ZNF10: variants seen among roughly 807,000 people sequenced by gnomAD.
ZNF10 encodes the protein zinc finger protein 10 (KOX 1).
Under a neutral mutation model 12.2 loss-of-function variants are expected in ZNF10, and 8 were observed. The observed-to-expected ratio is 0.66, with a 90% CI of 0.39 to 1.18. The LOEUF (loss-of-function observed/expected upper bound fraction) is 1.18. Ranked by LOEUF, ZNF10 falls within the 50% of genes most tolerant of loss-of-function variation. ZNF10 has a pLI of 0.01. For missense variants in ZNF10, 603 were observed against 678.9 expected (o/e 0.89, Z 1.24); for synonymous variants, 229 against 228.2 (o/e 1.00, Z -0.03).
chr12:133,157,120 A>G lies in ZNF10; in HGVS notation c.*152A>G. On this transcript the variant is annotated 3_prime_UTR_variant, in exon 5 of 5. Transcript: ENST00000248211. The stretch of plus-strand genomic sequence containing the variant: ...AGAGAATTGGTCCTGGAAGGGAAAG[A>G]AACCACAGATTTTATTTCAGTACAC... 1 of 635,642 alleles carries G rather than the reference A, an allele frequency of 1.6e-6. No homozygotes were observed. Among genetic ancestry groups the G allele is most frequent in the Non-Finnish European group, 2.3e-6 (1 of 441,084 alleles). 39.4% of individuals were successfully genotyped at this position (635,642 alleles called of 1,614,324 possible). A position where few individuals can be genotyped will look rare whatever the true frequency, so the allele number is the denominator to read the frequency against.
chr12:133,155,826 A>G lies in ZNF10; in HGVS notation c.580A>G (p.Ser194Gly), dbSNP rs754831037. 6.2e-7 allele frequency: 1 copy of G among 1,613,802 alleles called. No individual in the cohort carries two copies. Among genetic ancestry groups the G allele is most frequent in the East Asian group, 2.2e-5 (1 of 44,874 alleles). Residue 194 changes from serine to glycine, a missense_variant, in exon 5 of 5, where the codon AGT becomes GGT. Coordinates refer to ENST00000248211, the MANE Select transcript of ZNF10 (RefSeq NM_015394.5). ...YFHKRDSHTK[S>G]LKHDLVLNGH... is the part of the protein sequence containing the mutation. ...CCATAAACGTGACTCACATACTAAA[A>G]GTTTAAAACATGATTTAGTTCTTAA...
At chr12:133,137,783 C>G (rs1955920956) in intron 1 of ZNF10, among the ~76,000 whole-genome samples, 1 of 152,158 alleles carries the variant, frequency 6.6e-6, no homozygotes, top group East Asian at 1.9e-4. Flanking sequence ...ATTAAAATGG[C>G]AGAAGTTCCA....
intron 4 of ZNF10, among the ~76,000 whole-genome samples, chr12:133,154,100 C>T (rs1956024594): frequency 6.7e-6 from 1 of 150,256 alleles, no homozygotes; most frequent in Non-Finnish European, 1.5e-5. Context: ...ATTAAAACTT[C>T]AACATACCTT....
At chr12:133,143,306 A>G (rs1955956969) in intron 1 of ZNF10, among the ~76,000 whole-genome samples, 1 of 152,122 alleles carries the variant, frequency 6.6e-6, no homozygotes, top group Non-Finnish European at 1.5e-5. Flanking sequence ...ATGCCACTGA[A>G]TTGGATACTT....
intron 4 of ZNF10, among the ~76,000 whole-genome samples, chr12:133,152,957 G>A (rs1005236871): frequency 6.6e-6 from 1 of 151,934 alleles, no homozygotes; most frequent in African/African-American, 2.4e-5. Flanking sequence ...TTACTTTTTA[G>A]TATTTGCCTT....
intron 2 of ZNF10, among the ~76,000 whole-genome samples, chr12:133,149,597 T>A (rs992568530): frequency 2.6e-5 from 4 of 151,782 alleles, no homozygotes; most frequent in African/African-American, 9.7e-5. Context: ...ACTCAAGTGA[T>A]CCACCTACCT....
At chr12:133,135,313 C>G (rs764959680) in intron 1 of ZNF10, among the ~76,000 whole-genome samples, 13 of 152,266 alleles carry the variant, frequency 8.5e-5, no homozygotes, top group African/African-American at 3.1e-4. Flanking sequence ...GGGCTCCAAA[C>G]TCTGCACTGT....
intron 3 of ZNF10, 117 bp downstream of exon 3, chr12:133,151,271 G>GCCTCAAAGAAATT: frequency 9.3e-7 from 1 of 1,080,698 alleles, no homozygotes; most frequent in Non-Finnish European, 1.3e-6. Flanking sequence ...TAATTTCTTT[G>GCCTCAAAGAAATT]AGGCATAGAA....
Position 133,157,324 on chromosome 12 carries a change from T to C in ZNF10, c.*356T>C, listed in dbSNP as rs1956048578. The C allele has an allele frequency of 5.8e-6, 1 of 172,402 alleles. No homozygotes were observed. Among genetic ancestry groups the C allele is most frequent in the Admixed American group, 6.3e-5 (1 of 15,824 alleles). The allele number at this position is 172,402 out of a possible 1,614,324, so 10.7% of individuals were successfully genotyped here. A position where few individuals can be genotyped will look rare whatever the true frequency, so the allele number is the denominator to read the frequency against. ...ATGCTACTATAGGGAGAGTTGTTGC[T>C]GAGAATTAAGAAATGATACAGTTAA... On this transcript the variant is annotated 3_prime_UTR_variant, in exon 5 of 5. Coordinates refer to ENST00000248211, the MANE Select transcript of ZNF10 (RefSeq NM_015394.5).
At chr12:133,134,232 G>C (rs1021675403) in intron 1 of ZNF10, among the ~76,000 whole-genome samples, 4 of 151,750 alleles carry the variant, frequency 2.6e-5, no homozygotes, top group African/African-American at 7.3e-5. Context: ...AGAATCACTT[G>C]AACCCAAGAG....
intron 3 of ZNF10, 100 bp downstream of exon 3, chr12:133,151,254 A>C: frequency 8.2e-7 from 1 of 1,217,126 alleles, no homozygotes; most frequent in Non-Finnish European, 1.1e-6. Context: ...CTTGGCGTTC[A>C]GAGACCTAAT....
chr12:133,154,164 G>A (rs2135464874), intron 4 of ZNF10, among the ~76,000 whole-genome samples: 1 of 152,212 alleles, frequency 6.6e-6, no homozygotes, highest in South Asian at 2.1e-4. Flanking sequence ...AGAGTGGAAT[G>A]TCACCCCACT....
At chr12:133,148,965 T>C (rs1257860185) in intron 2 of ZNF10, among the ~76,000 whole-genome samples, 1 of 152,094 alleles carries the variant, frequency 6.6e-6, no homozygotes, top group African/African-American at 2.4e-5. Flanking sequence ...TTGGTCAGGC[T>C]GGTCTGGAAC....
intron 1 of ZNF10, among the ~76,000 whole-genome samples, chr12:133,138,912 CT>C (rs1335809503): frequency 6.6e-6 from 1 of 152,204 alleles, no homozygotes; most frequent in Non-Finnish European, 1.5e-5. Flanking sequence ...ATTCTGACTC[CT>C]TAAAAGGAAC....
intron 3 of ZNF10, 127 bp downstream of exon 3, chr12:133,151,281 A>G (rs892199075): frequency 4.0e-6 from 4 of 995,010 alleles, no homozygotes; most frequent in Non-Finnish European, 5.5e-6. Flanking sequence ...GAGGCATAGA[A>G]CAGGGTTTTT....
chr12:133,151,204 G>A, intron 3 of ZNF10, 50 bp downstream of exon 3: 1 of 1,565,400 alleles, frequency 6.4e-7, no homozygotes, highest in Non-Finnish European at 8.7e-7. Context: ...TGATCAAAAG[G>A]TACAGAGACC....
In ZNF10 at chr12:133,156,374, C is replaced by T. The variant is rs1282473876; in HGVS notation, c.1128C>T (p.Pro376=). The change falls in exon 5 of 5, where the codon CCC becomes CCT. Residue 376 remains proline, a synonymous_variant. Transcript: ENST00000248211. ...RHQRTHTGEK[P]YECPECGKSF... ...AGAGGACACATACTGGAGAGAAACCCTATGAATGTCCTGAATGTGGGAAAT... is the reference window on the plus strand; with the variant it reads ...AGAGGACACATACTGGAGAGAAACCTTATGAATGTCCTGAATGTGGGAAAT... 6.2e-6 allele frequency: 10 copies of T among 1,613,768 alleles called. No homozygotes were observed. Among genetic ancestry groups the T allele is most frequent in the Non-Finnish European group, 8.5e-6 (10 of 1,179,918 alleles).
At chr12:133,144,678 C>T (rs1483233477) in intron 2 of ZNF10, among the ~76,000 whole-genome samples, 153 bp downstream of exon 2, 1 of 152,152 alleles carries the variant, frequency 6.6e-6, no homozygotes, top group Non-Finnish European at 1.5e-5. Flanking sequence ...AGACAGATCA[C>T]TGTGGGCTTT....
chr12:133,143,296 A>G (rs896385089), intron 1 of ZNF10, among the ~76,000 whole-genome samples: 2 of 152,164 alleles, frequency 1.3e-5, no homozygotes, highest in African/African-American at 4.8e-5. Context: ...AATGTACTTA[A>G]TGCCACTGAA....
Sources: allele counts gnomAD v4.1 joint callset (sites outside exome capture counted in the v4.1 genomes callset), GRCh38; gene constraint gnomAD v4.1.1; transcripts MANE v1.5; gene names NCBI Gene and HGNC (gene_info 2026-07-23, HGNC 2026-07-21).